The following ZNF140 variants were observed in gnomAD, a reference collection of about 807,000 sequenced individuals.
The protein encoded by ZNF140 is zinc finger protein 140 (clone pHZ-39).
In ZNF140, 13 loss-of-function variants were observed where a neutral mutation model predicts 12.9. The ratio of observed to expected loss-of-function variants is 1.01; its 90% CI spans 0.66 to 1.60. The LOEUF (loss-of-function observed/expected upper bound fraction) is 1.60, where lower values mean the gene tolerates loss of function less well. Among genes scored for constraint, ZNF140 ranks in the 40% most tolerant of loss-of-function variants. The pLI is 0.00. For synonymous variants in ZNF140, 214 were observed against 186.7 expected (o/e 1.15, Z -1.19); for missense variants, 531 against 548.8 (o/e 0.97, Z 0.32).
chr12:133,083,959 C>G (rs1469836324), intron 4 of ZNF140, among the ~76,000 whole-genome samples: 5 of 123,066 alleles, frequency 4.1e-5, no homozygotes, highest in African/African-American at 6.0e-5. Flanking sequence ...GACTCCATCT[C>G]AAAAAAAAAA....
At chr12:133,091,005 T>A (rs1047264749) in intron 4 of ZNF140, among the ~76,000 whole-genome samples, 4 of 149,184 alleles carry the variant, frequency 2.7e-5, no homozygotes. Context: ...TCGGGTTTTA[T>A]ACCGAGACAT....
At chr12:133,090,221 C>G (rs116725608) in intron 4 of ZNF140, among the ~76,000 whole-genome samples, 1 of 152,106 alleles carries the variant, frequency 6.6e-6, no homozygotes, top group African/African-American at 2.4e-5. Flanking sequence ...CTCACTGCAA[C>G]GTAAATTTCC....
intron 4 of ZNF140, among the ~76,000 whole-genome samples, chr12:133,097,710 A>G (rs1053809213): frequency 2.0e-5 from 3 of 152,114 alleles, no homozygotes; most frequent in Admixed American, 6.5e-5. Flanking sequence ...ATAGAGTGCA[A>G]TGATACAATC....
chr12:133,105,362 A>G, intron 4 of ZNF140, 148 bp from the exon 5 acceptor site: 2 of 741,150 alleles, frequency 2.7e-6, no homozygotes, highest in East Asian at 5.4e-5. Context: ...AGTTCTGGGC[A>G]TACTACTCAG....
At chr12:133,083,254 C>G (rs1954563595) in intron 3 of ZNF140, 25 bp downstream of exon 3, 1 of 1,599,196 alleles carries the variant, frequency 6.3e-7, no homozygotes, top group African/African-American at 1.3e-5. Flanking sequence ...TCATCTCCCT[C>G]AAGGCAAAAT....
At chr12:133,090,685 A>G (rs887611689) in intron 4 of ZNF140, among the ~76,000 whole-genome samples, 94 of 149,640 alleles carry the variant, frequency 6.3e-4, no homozygotes, top group East Asian at 3.4e-3. Flanking sequence ...GACCTGCACC[A>G]GCACCGGCCT....
Position 133,105,887 on chromosome 12 carries a change from CT to C in ZNF140, c.612del (p.Val205Ter), listed in dbSNP as rs1566325055. 1 of 1,614,130 alleles carries C rather than the reference CT, an allele frequency of 6.2e-7. No homozygotes were observed. Among genetic ancestry groups the C allele is most frequent in the Non-Finnish European group, 8.5e-7 (1 of 1,180,022 alleles). On this transcript the variant is annotated frameshift_variant, in exon 5 of 5. Coordinates refer to ENST00000355557, the MANE Select transcript of ZNF140 (RefSeq NM_003440.4). LOFTEE classifies it low-confidence loss of function (END_TRUNC). ...CAAAACCTTTAGCCAGATTTCAAAC[CT>C]TGTGAAACACCAAATGATACATACT... ...CGKTFSQISN[L>X]VKHQMIHTGK...
chr12:133,081,476 C>T, intron 2 of ZNF140, 147 bp downstream of exon 2: 1 of 455,998 alleles, frequency 2.2e-6, no homozygotes. Context: ...CTCAAGTGAG[C>T]CAACCCACTT....
At chr12:133,082,680 TGG>T in intron 2 of ZNF140, 1 of 158,204 alleles carries the variant, frequency 6.3e-6, no homozygotes, top group Admixed American at 6.1e-5. Context: ...ATTTGAAGGG[TGG>T]TGCTGTTATC....
intron 4 of ZNF140, among the ~76,000 whole-genome samples, chr12:133,095,620 A>ACCG (rs1955052635): frequency 6.6e-6 from 1 of 151,772 alleles, no homozygotes; most frequent in Non-Finnish European, 1.5e-5. Flanking sequence ...GACCTGCACC[A>ACCG]GCACCGGCCT....
At chr12:133,103,217 CATT>C (rs1308573208) in intron 4 of ZNF140, among the ~76,000 whole-genome samples, 3 of 152,098 alleles carry the variant, frequency 2.0e-5, no homozygotes, top group Non-Finnish European at 2.9e-5. Context: ...TTGAAAGATA[CATT>C]ATTATTAGCT....
intron 4 of ZNF140, chr12:133,101,079 T>G: frequency 2.3e-5 from 9 of 397,140 alleles, no homozygotes; most frequent in South Asian, 1.7e-4. Context: ...TTTGACTTCT[T>G]TTTTCTTTGT....
intron 4 of ZNF140, among the ~76,000 whole-genome samples, chr12:133,096,212 C>T (rs905228787): frequency 3.9e-5 from 6 of 151,942 alleles, no homozygotes; most frequent in African/African-American, 9.7e-5. Context: ...TAGAGAATGG[C>T]GATGACTTTT....
rs1162727322 is a variant in ZNF140, at chr12:133,105,062, C to CT, written c.233-439dup. On this transcript the variant is annotated intron_variant, in intron 4 of 4. Coordinates refer to ENST00000355557, the MANE Select transcript of ZNF140 (RefSeq NM_003440.4). ...CATAGGCAAGTTTTCAGAGAAACCG[C>CT]TTTTTTTTTCATTTAGATTATTATA... Among the ~76,000 whole-genome samples, 22 of 151,426 alleles carry CT rather than the reference C, an allele frequency of 1.5e-4. No homozygotes were observed. The East Asian group carries it at 2.1e-3, about 15-fold the overall frequency.
chr12:133,081,591 T>C (rs1954505216), intron 2 of ZNF140: 1 of 454,488 alleles, frequency 2.2e-6, no homozygotes, highest in Non-Finnish European at 4.4e-6. Flanking sequence ...CCCAGGACCC[T>C]GTCCCTTGTT....
Position 133,106,527 on chromosome 12 carries a change from T to C in ZNF140, c.1250T>C (p.Val417Ala). The C allele has an allele frequency of 6.2e-7, 1 of 1,614,048 alleles. No homozygotes were observed. The highest frequency in any genetic ancestry group is 8.5e-7 in the Non-Finnish European group (1 of 1,180,022). Reference sequence around the variant, plus strand: ...GGAGAGAAACCCTATGTATGTAAGGTATGCAACAAATCCTTCAGCTGGAGC... The same window carrying C: ...GGAGAGAAACCCTATGTATGTAAGGCATGCAACAAATCCTTCAGCTGGAGC... ...HTGEKPYVCK[V>A]CNKSFSWSSN... Residue 417 changes from valine to alanine, a missense_variant, in exon 5 of 5, where the codon GTA (valine) becomes GCA (alanine). Physicochemically the swap from Val to Ala is moderately conservative, Grantham distance 64. Coordinates refer to ENST00000355557, the MANE Select transcript of ZNF140 (RefSeq NM_003440.4).
chr12:133,090,807 A>C (rs984101707), intron 4 of ZNF140, among the ~76,000 whole-genome samples: 33 of 133,910 alleles, frequency 2.5e-4, no homozygotes, highest in Admixed American at 1.7e-3. Flanking sequence ...TGAGCAAAAG[A>C]ATCTATATCA....
At chr12:133,091,173 C>A (rs377004404) in intron 4 of ZNF140, among the ~76,000 whole-genome samples, 3,637 of 147,176 alleles carry the variant, frequency 0.025, 133 homozygotes, top group Middle Eastern at 0.045. Context: ...ATTTCAGACT[C>A]TCACATTGGG....
intron 4 of ZNF140, among the ~76,000 whole-genome samples, chr12:133,093,248 A>G (rs1168741999): frequency 1.3e-5 from 2 of 151,186 alleles, no homozygotes; most frequent in South Asian, 2.1e-4. Flanking sequence ...AGGATTATCT[A>G]TCCAAGTAAT....
Sources: gnomAD v4.1 joint callset for allele counts (sites outside exome capture counted in the v4.1 genomes callset) on GRCh38, gnomAD v4.1.1 for gene constraint, MANE v1.5 for transcripts, NCBI Gene and HGNC (gene_info 2026-07-23, HGNC 2026-07-21) for gene names.